DPYSL3: variants seen among roughly 807,000 people sequenced by gnomAD.
DPYSL3 encodes the protein dihydropyrimidinase-related protein 3.
A neutral mutation model predicts 66.1 loss-of-function variants in DPYSL3; 16 were observed. The ratio of observed to expected loss-of-function variants is 0.24; its 90% CI spans 0.16 to 0.37. The LOEUF (loss-of-function observed/expected upper bound fraction) is 0.37, where lower values mean the gene tolerates loss of function less well. Ranked by LOEUF, DPYSL3 falls within the 10% of genes least tolerant of loss-of-function variation. The pLI is 1.00. For synonymous variants in DPYSL3, 338 were observed against 345.1 expected, an observed-to-expected ratio of 0.98 and a Z score of 0.23; for missense variants, 738 against 916.2, an observed-to-expected ratio of 0.81 and a Z score of 2.51.
intron 1 of DPYSL3, among the ~76,000 whole-genome samples, chr5:147,426,631 G>A (rs900262571): frequency 9.9e-5 from 15 of 152,166 alleles, no homozygotes; most frequent in Non-Finnish European, 1.3e-4. Flanking sequence ...TTCCCTTGAT[G>A]CTGATTCTGT....
intron 1 of DPYSL3, among the ~76,000 whole-genome samples, chr5:147,500,065 A>G (rs1354045899): frequency 6.6e-6 from 1 of 152,224 alleles, no homozygotes; most frequent in East Asian, 1.9e-4. Flanking sequence ...TAAATGTAAG[A>G]TGCAAACTAT....
At chr5:147,497,521 C>T (rs1456826545) in intron 1 of DPYSL3, among the ~76,000 whole-genome samples, 1 of 152,130 alleles carries the variant, frequency 6.6e-6, no homozygotes, top group Non-Finnish European at 1.5e-5. Context: ...GAAAGTTACA[C>T]ACCATAGCCA....
At chr5:147,408,938 A>G in intron 6 of DPYSL3, 142 bp from the exon 7 acceptor site, 1 of 801,008 alleles carries the variant, frequency 1.2e-6, no homozygotes, top group East Asian at 2.7e-5. Flanking sequence ...TGGAGTTGCA[A>G]TATAGGGTAG....
intron 1 of DPYSL3, among the ~76,000 whole-genome samples, chr5:147,477,080 A>G: frequency 6.6e-6 from 1 of 152,366 alleles, no homozygotes; most frequent in Middle Eastern, 3.4e-3. Context: ...ACAATTACAT[A>G]GAAAAAATAA....
Position 147,393,696 on chromosome 5 carries a change from C to T in DPYSL3, c.*339G>A, listed in dbSNP as rs1418534197. 1 of 221,324 alleles carries T rather than the reference C, an allele frequency of 4.5e-6. No individual in the cohort carries two copies. Among genetic ancestry groups the T allele is most frequent in the Non-Finnish European group, 9.1e-6 (1 of 109,566 alleles). The allele number at this position is 221,324 out of a possible 1,614,324, so 13.7% of individuals were successfully genotyped here. A position where few individuals can be genotyped will look rare whatever the true frequency, so the allele number is the denominator to read the frequency against. The stretch of plus-strand genomic sequence containing the variant: ...TCCCTTTTGTTCATTTCCCTGACGT[C>T]CCAGCTTGTCTGTCCCCTTGTCATA... On this transcript the variant is annotated 3_prime_UTR_variant, in exon 14 of 14. Transcript: ENST00000343218.
At chr5:147,400,927 C>CT in intron 9 of DPYSL3, 94 bp from the exon 10 acceptor site, 1 of 1,482,830 alleles carries the variant, frequency 6.7e-7, no homozygotes, top group Non-Finnish European at 9.0e-7. Context: ...GGTTTGCACT[C>CT]TGACTATTTG....
chr5:147,451,823 C>CT (rs1181602428), intron 1 of DPYSL3, among the ~76,000 whole-genome samples: 15 of 152,130 alleles, frequency 9.9e-5, no homozygotes, highest in Admixed American at 4.6e-4. Context: ...TTTTCTCTTT[C>CT]TTTTTTTCTT....
intron 9 of DPYSL3, 95 bp from the exon 10 acceptor site, chr5:147,400,928 T>G: frequency 6.8e-7 from 1 of 1,475,180 alleles, no homozygotes; most frequent in Non-Finnish European, 9.0e-7. Flanking sequence ...GTTTGCACTC[T>G]GACTATTTGG....
At chr5:147,395,742 G>A (rs1227383244) in intron 12 of DPYSL3, 21 bp from the exon 13 acceptor site, 1 of 1,612,508 alleles carries the variant, frequency 6.2e-7, no homozygotes, top group Non-Finnish European at 8.5e-7. Context: ...AGAAGAGCAT[G>A]TCACCATTCA....
intron 1 of DPYSL3, among the ~76,000 whole-genome samples, chr5:147,498,432 A>T (rs1190482048): frequency 2.0e-5 from 3 of 152,156 alleles, no homozygotes; most frequent in Admixed American, 6.5e-5. Flanking sequence ...ACAATTATTT[A>T]TATTCCTTTG....
intron 1 of DPYSL3, among the ~76,000 whole-genome samples, chr5:147,484,223 C>G (rs1753293374): frequency 6.6e-6 from 1 of 152,158 alleles, no homozygotes; most frequent in Non-Finnish European, 1.5e-5. Context: ...GAATTTTTCT[C>G]CTAAAGTGGT....
At chr5:147,399,307 A>G in intron 10 of DPYSL3, 55 bp from the exon 11 acceptor site, 1 of 1,550,518 alleles carries the variant, frequency 6.4e-7, no homozygotes, top group Non-Finnish European at 8.7e-7. Context: ...ATATCAATTC[A>G]GGGCTTCTGA....
intron 1 of DPYSL3, among the ~76,000 whole-genome samples, chr5:147,440,289 T>G (rs1257334278): frequency 6.6e-6 from 1 of 152,092 alleles, no homozygotes; most frequent in Non-Finnish European, 1.5e-5. Context: ...GGTGACAGAG[T>G]GAGACTCCAC....
At chr5:147,484,770 A>G (rs1440685790) in intron 1 of DPYSL3, among the ~76,000 whole-genome samples, 2 of 152,212 alleles carry the variant, frequency 1.3e-5, no homozygotes, top group Admixed American at 6.5e-5. Context: ...CCAGGCTACA[A>G]CTGCATATGA....
At chr5:147,482,049 A>G (rs1375637163) in intron 1 of DPYSL3, among the ~76,000 whole-genome samples, 3 of 152,154 alleles carry the variant, frequency 2.0e-5, no homozygotes, top group Non-Finnish European at 4.4e-5. Flanking sequence ...GGGAAACATT[A>G]CCTCATCACT....
At position 147,401,658 on chromosome 5, in the gene DPYSL3, C is replaced by G. The variant is rs749696414; in HGVS notation, c.1192G>C (p.Gly398Arg). 6.2e-7 allele frequency: 1 copy of G among 1,613,938 alleles called. No homozygotes were observed. Among genetic ancestry groups the G allele is most frequent in the Admixed American group, 1.7e-5 (1 of 59,984 alleles). ...CTCCAATAATGGGTTCCATCTATGC[C>G]GAGGCTGGCAGTGATGGGCTCACCA... Reference protein sequence around the residue: ...VFGEPITASLGIDGTHYWSKN... With the variant: ...VFGEPITASLRIDGTHYWSKN... The change falls in exon 9 of 14, where the codon GGC becomes CGC. Residue 398 changes from glycine to arginine, a missense_variant. Coordinates refer to ENST00000343218, the MANE Select transcript of DPYSL3 (RefSeq NM_001197294.2).
chr5:147,420,230 T>G (rs1199828393), intron 2 of DPYSL3, among the ~76,000 whole-genome samples: 2 of 152,196 alleles, frequency 1.3e-5, no homozygotes, highest in African/African-American at 4.8e-5. Flanking sequence ...CTTCAATTCT[T>G]TCCTCTGTAA....
chr5:147,506,771 C>G (rs551151727), intron 1 of DPYSL3, among the ~76,000 whole-genome samples: 1 of 152,052 alleles, frequency 6.6e-6, no homozygotes, highest in African/African-American at 2.4e-5. Context: ...AACTGAGGTA[C>G]CCAGAGGCTA....
At chr5:147,497,900 CTCTCTCTCTCTCTCTT>C (rs932440224) in intron 1 of DPYSL3, among the ~76,000 whole-genome samples, 17 of 151,612 alleles carry the variant, frequency 1.1e-4, no homozygotes, top group South Asian at 4.2e-4. Context: ...CTTCCCTTCT[CTCTCTCTCTCTCTCTT>C]TCTCTCTCTC....
Sources: allele counts gnomAD v4.1 joint callset (sites outside exome capture counted in the v4.1 genomes callset), GRCh38; gene constraint gnomAD v4.1.1; transcripts MANE v1.5; gene names NCBI Gene and HGNC (gene_info 2026-07-23, HGNC 2026-07-21).